Variants in ERI1 observed in about 807,000 individuals in gnomAD.
ERI1 encodes exoribonuclease 1.
ERI1 carries 39 observed loss-of-function variants against 39.7 expected under a neutral mutation model. The observed-to-expected ratio is 0.98, with a 90% CI of 0.76 to 1.28. The LOEUF (loss-of-function observed/expected upper bound fraction) is 1.28, where lower values mean the gene tolerates loss of function less well. Among genes scored for constraint, ERI1 ranks in the 50% most tolerant of loss-of-function variants. The pLI is 0.00. For synonymous variants in ERI1, 204 were observed against 149.6 expected (o/e 1.36, Z -2.65); for missense variants, 581 against 416.9 (o/e 1.39, Z -3.43).
intron 3 of ERI1, among the ~76,000 whole-genome samples, chr8:9,047,518 A>G (rs1798211341): frequency 6.6e-6 from 1 of 152,130 alleles, no homozygotes; most frequent in African/African-American, 2.4e-5. Flanking sequence ...CTAAAAAAAA[A>G]AAAGTTTTTA....
chr8:9,012,952 C>G (rs75860479), intron 3 of ERI1, among the ~76,000 whole-genome samples: 2 of 152,096 alleles, frequency 1.3e-5, no homozygotes, highest in African/African-American at 4.8e-5. Context: ...TCCCATCATT[C>G]CACTAAAATC....
intron 1 of ERI1, among the ~76,000 whole-genome samples, chr8:9,005,105 A>G (rs1402943787): frequency 6.6e-6 from 1 of 152,170 alleles, no homozygotes; most frequent in Non-Finnish European, 1.5e-5. Flanking sequence ...GCATATTTAT[A>G]TTTTTAATAA....
intron 4 of ERI1, among the ~76,000 whole-genome samples, chr8:9,017,871 A>G (rs17702351): frequency 0.16 from 24,023 of 152,164 alleles, 2,469 homozygotes; most frequent in Non-Finnish European, 0.23. Context: ...GACCCGATTT[A>G]CGTTTTAGGA....
chr8:9,073,924 A>C (rs933774447), intron 3 of ERI1, among the ~76,000 whole-genome samples: 1 of 152,142 alleles, frequency 6.6e-6, no homozygotes, highest in African/African-American at 2.4e-5. Context: ...TGTACTTTAC[A>C]AAAATTTTAT....
At chr8:9,093,502 TCTA>T (rs1799775736) in intron 3 of ERI1, among the ~76,000 whole-genome samples, 1 of 121,234 alleles carries the variant, frequency 8.2e-6, no homozygotes. Flanking sequence ...AGACCTTGTC[TCTA>T]AAAAAAAAAA....
intron 3 of ERI1, among the ~76,000 whole-genome samples, chr8:9,080,422 T>C (rs143637297): frequency 1.3e-3 from 191 of 152,318 alleles, no homozygotes; most frequent in African/African-American, 4.4e-3. Context: ...CATTTCTCCT[T>C]GCAGCCTGGC....
At chr8:9,097,762 A>T (rs1799924405) in intron 3 of ERI1, among the ~76,000 whole-genome samples, 1 of 152,168 alleles carries the variant, frequency 6.6e-6, no homozygotes. Flanking sequence ...AGACATAAAC[A>T]AGCACTATAT....
At chr8:9,026,221 G>GAATGCCCACCCTGTAT (rs1818459790) in intron 6 of ERI1, among the ~76,000 whole-genome samples, 1 of 152,148 alleles carries the variant, frequency 6.6e-6, no homozygotes, top group African/African-American at 2.4e-5. Context: ...TTGGGATTAG[G>GAATGCCCACCCTGTAT]AATGCCCACC....
chr8:9,010,327 G>T (rs914675595), intron 2 of ERI1, among the ~76,000 whole-genome samples: 2 of 152,000 alleles, frequency 1.3e-5, no homozygotes, highest in African/African-American at 2.4e-5. Flanking sequence ...CCAATAAAAA[G>T]ATAAAAAAAG....
chr8:9,004,139 C>T (rs779390683), intron 1 of ERI1: 3 of 1,289,156 alleles, frequency 2.3e-6, no homozygotes, highest in Non-Finnish European at 3.0e-6. Flanking sequence ...TCTGTATGTT[C>T]CTTTTGCCCT....
In ERI1 at chr8:9,033,332, G is replaced by T. The variant is rs1411565982; in HGVS notation, c.*3298G>T. ...TTTAGTTTCTCTAAATAAAGTTTTG[G>T]AAAGAACTACCATTCTCATTTGTTT... On this transcript the variant is annotated 3_prime_UTR_variant, in exon 7 of 7. Transcript: ENST00000250263. 2 of 152,092 alleles carry T rather than the reference G, an allele frequency of 1.3e-5. No homozygotes were observed. Among genetic ancestry groups the T allele is most frequent in the Non-Finnish European group, 2.9e-5 (2 of 68,022 alleles). 9.4% of individuals were successfully genotyped at this position (152,092 alleles called of 1,614,324 possible). A position where few individuals can be genotyped will look rare whatever the true frequency, so the allele number is the denominator to read the frequency against.
At chr8:9,072,654 A>G (rs1799088821) in intron 3 of ERI1, 1 of 152,080 alleles carries the variant, frequency 6.6e-6, no homozygotes, top group African/African-American at 2.4e-5. Context: ...TGAAGCCTTC[A>G]TAAATCAGCC....
At chr8:9,077,913 G>A (rs1799257593) in intron 3 of ERI1, among the ~76,000 whole-genome samples, 2 of 152,104 alleles carry the variant, frequency 1.3e-5, no homozygotes, top group African/African-American at 4.8e-5. Context: ...TTCTGCCAGG[G>A]GAATGCGCTG....
chr8:9,047,220 CAG>C (rs1798202349), intron 3 of ERI1, among the ~76,000 whole-genome samples: 1 of 152,188 alleles, frequency 6.6e-6, no homozygotes, highest in Admixed American at 6.5e-5. Flanking sequence ...AAAAATCAAA[CAG>C]AGACATTCAT....
At chr8:9,013,820 T>A (rs952369903) in intron 3 of ERI1, among the ~76,000 whole-genome samples, 1 of 152,174 alleles carries the variant, frequency 6.6e-6, no homozygotes, top group African/African-American at 2.4e-5. Context: ...CTCTTGTTTC[T>A]CTCACATCCA....
At chr8:9,058,405 C>T (rs1403760140) in intron 3 of ERI1, among the ~76,000 whole-genome samples, 2 of 152,142 alleles carry the variant, frequency 1.3e-5, no homozygotes, top group African/African-American at 2.4e-5. Context: ...GGGCCTAGCT[C>T]CTGGTATGAA....
chr8:9,010,732 T>G (rs182654130), intron 2 of ERI1, among the ~76,000 whole-genome samples: 1 of 152,318 alleles, frequency 6.6e-6, no homozygotes, highest in East Asian at 1.9e-4. Flanking sequence ...TGGTTGCAAC[T>G]TAATTTTTTG....
downstream of ERI1, among the ~76,000 whole-genome samples, chr8:9,037,543 G>C (rs1301571964): frequency 6.6e-6 from 1 of 151,404 alleles, no homozygotes; most frequent in African/African-American, 2.4e-5. Flanking sequence ...AAATTATTCA[G>C]GCACAGGTTC....
intron 2 of ERI1, among the ~76,000 whole-genome samples, chr8:9,008,692 C>T (rs1348541778): frequency 6.6e-6 from 1 of 152,114 alleles, no homozygotes; most frequent in Non-Finnish European, 1.5e-5. Context: ...GAGATATACA[C>T]ATACCTAAGT....
Sources: gnomAD v4.1 joint callset for allele counts (sites outside exome capture counted in the v4.1 genomes callset) on GRCh38, gnomAD v4.1.1 for gene constraint, MANE v1.5 for transcripts, NCBI Gene and HGNC (gene_info 2026-07-23, HGNC 2026-07-21) for gene names.